The following SMIM19 variants were observed in gnomAD, a reference collection of about 807,000 sequenced individuals.
The protein encoded by SMIM19 is UPF0697 protein C8orf40.
A neutral mutation model predicts 13.2 loss-of-function variants in SMIM19; 6 were observed. The observed-to-expected ratio is 0.45, with a 90% confidence interval of 0.25 to 0.90. SMIM19 has a LOEUF of 0.90. Ranked by LOEUF, SMIM19 falls within the 40% of genes least tolerant of loss-of-function variation. The pLI is 0.19. For synonymous variants in SMIM19, 46 were observed against 43.1 expected (o/e 1.07, Z -0.27); for missense variants, 138 against 131.0 (o/e 1.05, Z -0.26).
chr8:42,549,384 C>G (rs1813592749), intron 3 of SMIM19, among the ~76,000 whole-genome samples: 1 of 151,812 alleles, frequency 6.6e-6, no homozygotes, highest in Non-Finnish European at 1.5e-5. Flanking sequence ...TGGACTGTAG[C>G]CTGGGCGACA....
rs1245171210 is a variant in SMIM19, at chr8:42,552,588, G to T, written c.304G>T (p.Val102Leu). 6.2e-7 allele frequency: 1 copy of T among 1,613,992 alleles called. No individual in the cohort carries two copies. The highest frequency in any genetic ancestry group is 8.5e-7 in the Non-Finnish European group (1 of 1,180,002). ...YQQPQNQADS[V>L]QLSLE is the part of the protein sequence containing the mutation. ...GCAGCCACAAAACCAAGCTGACAGT[G>T]TGCAACTCTCATTGGAATGAAACCT... is the stretch of plus-strand genomic sequence containing the variant. Residue 102 changes from valine to leucine, a missense_variant, in exon 4 of 4, where the codon GTG becomes TTG. By Grantham distance (32) the Val-to-Leu change is conservative. Coordinates refer to ENST00000417410, the MANE Select transcript of SMIM19 (RefSeq NM_001135674.2).
intron 1 of SMIM19, among the ~76,000 whole-genome samples, chr8:42,545,338 C>T (rs1047263794): frequency 1.3e-5 from 2 of 152,166 alleles, no homozygotes; most frequent in African/African-American, 2.4e-5. Context: ...ACAGCTGTGT[C>T]AATAGCAAAA....
rs372905072 is a variant in SMIM19, at chr8:42,546,453, C to A, written c.-4-16C>A. Reference sequence around the variant, plus strand: ...CATTAATTAAAAGAAACCCTGCTTTCTTTTCTCTCTTACAGCCCCATGGCT... The same window carrying A: ...CATTAATTAAAAGAAACCCTGCTTTATTTTCTCTCTTACAGCCCCATGGCT... On this transcript the variant is annotated splice_polypyrimidine_tract_variant and intron_variant, in intron 1 of 3. Coordinates refer to ENST00000417410, the MANE Select transcript of SMIM19 (RefSeq NM_001135674.2). 1 of 1,586,314 alleles carries A rather than the reference C, an allele frequency of 6.3e-7. No homozygotes were observed. The highest frequency in any genetic ancestry group is 1.4e-5 in the African/African-American group (1 of 73,098).
chr8:42,546,729 A>C, intron 2 of SMIM19, 123 bp downstream of exon 2: 1 of 1,209,610 alleles, frequency 8.3e-7, no homozygotes. Context: ...TCACACCTGT[A>C]ATCCCAGCAC....
rs1350268562 is a variant in SMIM19, at chr8:42,553,679, A to G, written c.*1071A>G. 1 of 152,184 alleles carries G rather than the reference A, an allele frequency of 6.6e-6. No individual in the cohort carries two copies. Among genetic ancestry groups the G allele is most frequent in the Non-Finnish European group, 1.5e-5 (1 of 68,044 alleles). The allele number at this position is 152,184 out of a possible 1,614,324, so 9.4% of individuals were successfully genotyped here. A position where few individuals can be genotyped will look rare whatever the true frequency, so the allele number is the denominator to read the frequency against. On this transcript the variant is annotated 3_prime_UTR_variant, in exon 4 of 4. Transcript: ENST00000417410. ...AAGAATCCGTTTTTGAACTAGAGCT[A>G]TTTTCAATTATAAGAGTGAGCTGGC...
At chr8:42,542,396 A>AT in intron 1 of SMIM19, 23 bp downstream of exon 1, 2 of 983,464 alleles carry the variant, frequency 2.0e-6, no homozygotes, top group Non-Finnish European at 2.4e-6. Flanking sequence ...TGGCTTCAGA[A>AT]TACCAAGCCT....
Position 42,552,571 on chromosome 8 carries a change from A to G in SMIM19, c.287A>G (p.Gln96Arg). ...AGAAAGTACGACTATCAGCAGCCAC[A>G]AAACCAAGCTGACAGTGTGCAACTC... ...ISRKYDYQQPQNQADSVQLSL... is the reference protein window; with the variant it reads ...ISRKYDYQQPRNQADSVQLSL... Residue 96 changes from glutamine (Q) to arginine (R), a missense_variant, in exon 4 of 4, where the codon CAA (glutamine) becomes CGA (arginine). Physicochemically the swap from Gln to Arg is conservative, Grantham distance 43. Transcript: ENST00000417410. The G allele has an allele frequency of 6.2e-7, 1 of 1,614,142 alleles. No homozygotes were observed. Among genetic ancestry groups the G allele is most frequent in the Non-Finnish European group, 8.5e-7 (1 of 1,180,000 alleles).
chr8:42,548,639 A>T lies in SMIM19; in HGVS notation c.135-17A>T. ...ACATTAATACAAACATCTCTTCTGC[A>T]TGGATTTTGTGTTTAGGAACAAAAG... is the stretch of plus-strand genomic sequence containing the variant. On this transcript the variant is annotated splice_polypyrimidine_tract_variant and intron_variant, in intron 2 of 3. Coordinates refer to ENST00000417410, the MANE Select transcript of SMIM19 (RefSeq NM_001135674.2). 1 of 1,613,160 alleles carries T rather than the reference A, an allele frequency of 6.2e-7. No homozygotes were observed.
intron 3 of SMIM19, among the ~76,000 whole-genome samples, chr8:42,549,094 A>G (rs777826713): frequency 3.3e-5 from 5 of 152,200 alleles, no homozygotes; most frequent in Non-Finnish European, 7.3e-5. Context: ...GGTGCATACA[A>G]TAGAATGTTA....
chr8:42,549,812 TG>T (rs1238004070), intron 3 of SMIM19, among the ~76,000 whole-genome samples: 1 of 151,934 alleles, frequency 6.6e-6, no homozygotes, highest in Non-Finnish European at 1.5e-5. Flanking sequence ...TACAGAGCCT[TG>T]GGGCCAGGTG....
At chr8:42,547,408 A>G (rs1037535916) in intron 2 of SMIM19, among the ~76,000 whole-genome samples, 22 of 151,478 alleles carry the variant, frequency 1.5e-4, no homozygotes, top group African/African-American at 4.4e-4. Context: ...GTTAAGTACC[A>G]CTCTCAGCCC....
At chr8:42,544,763 C>T (rs13273204) in intron 1 of SMIM19, among the ~76,000 whole-genome samples, 46,499 of 152,058 alleles carry the variant, frequency 0.31, 8,649 homozygotes, top group East Asian at 0.41. Flanking sequence ...GTCAGAAAGG[C>T]AGAAACATGC....
rs1369046728 is a variant in SMIM19, at chr8:42,554,122, T to G, written c.*1514T>G. 6.6e-6 allele frequency: 1 copy of G among 152,246 alleles called. No individual in the cohort carries two copies. The highest frequency in any genetic ancestry group is 2.4e-5 in the African/African-American group (1 of 41,472). The allele number at this position is 152,246 out of a possible 1,614,324, so 9.4% of individuals were successfully genotyped here. A position where few individuals can be genotyped will look rare whatever the true frequency, so the allele number is the denominator to read the frequency against. The stretch of plus-strand genomic sequence containing the variant: ...GGGAAATTGCATTTACTTTTAAAAA[T>G]GTGTTGTTCAAAAATGTATATATAG... On this transcript the variant is annotated 3_prime_UTR_variant, in exon 4 of 4. Coordinates refer to ENST00000417410, the MANE Select transcript of SMIM19 (RefSeq NM_001135674.2).
At position 42,546,476 on chromosome 8, in the gene SMIM19, G is replaced by T. The variant is rs1183123392; in HGVS notation, c.4G>T (p.Ala2Ser). 6.2e-7 allele frequency: 1 copy of T among 1,607,724 alleles called. No homozygotes were observed. Among genetic ancestry groups the T allele is most frequent in the Non-Finnish European group, 8.5e-7 (1 of 1,178,396 alleles). Residue 2 changes from alanine (A) to serine (S), a missense_variant, in exon 2 of 4, where the codon GCT becomes TCT. Transcript: ENST00000417410. M[A>S]GGYGVMGDDG... ...TTCTTTTCTCTCTTACAGCCCCATG[G>T]CTGGGGGTTATGGAGTGATGGGTGA...
chr8:42,545,054 A>G (rs993151540), intron 1 of SMIM19, among the ~76,000 whole-genome samples: 1 of 152,244 alleles, frequency 6.6e-6, no homozygotes, highest in Non-Finnish European at 1.5e-5. Context: ...CAGAAACTAC[A>G]GTGCAACTAT....
intron 1 of SMIM19, among the ~76,000 whole-genome samples, chr8:42,543,598 G>A (rs772042694): frequency 6.8e-4 from 104 of 152,170 alleles, no homozygotes; most frequent in Admixed American, 2.4e-3. Context: ...TGCATATTTG[G>A]GGCAGGAGGA....
chr8:42,542,560 C>T (rs2131482237), intron 1 of SMIM19, 187 bp downstream of exon 1: 1 of 791,058 alleles, frequency 1.3e-6, no homozygotes, highest in Non-Finnish European at 1.5e-6. Flanking sequence ...ATTCAAGGCA[C>T]GATGACAAGC....
At chr8:42,551,475 A>G (rs1259509904) in intron 3 of SMIM19, among the ~76,000 whole-genome samples, 1 of 152,090 alleles carries the variant, frequency 6.6e-6, no homozygotes, top group Non-Finnish European at 1.5e-5. Context: ...TTGCATATCT[A>G]TTTTTTCTTC....
At chr8:42,547,977 G>T (rs1039488781) in intron 2 of SMIM19, among the ~76,000 whole-genome samples, 2 of 152,148 alleles carry the variant, frequency 1.3e-5, no homozygotes, top group African/African-American at 2.4e-5. Context: ...AATAATTTAC[G>T]TTTGGCCTGA....
Sources: gnomAD v4.1 joint callset for allele counts (sites outside exome capture counted in the v4.1 genomes callset) on GRCh38, gnomAD v4.1.1 for gene constraint, MANE v1.5 for transcripts, NCBI Gene and HGNC (gene_info 2026-07-23, HGNC 2026-07-21) for gene names.